CCL24: variants seen among roughly 807,000 people sequenced by gnomAD.
CCL24 encodes the protein C-C motif chemokine ligand 24, also known as C-C motif chemokine 24.
A neutral mutation model predicts 8.6 loss-of-function variants in CCL24; 6 were observed. The observed-to-expected ratio is 0.70, with a 90% confidence interval of 0.38 to 1.38. The LOEUF is 1.38. Among genes scored for constraint, CCL24 ranks in the 40% most tolerant of loss-of-function variants. CCL24 has a pLI of 0.02. For missense variants in CCL24, 126 were observed against 147.1 expected, an observed-to-expected ratio of 0.86 and a Z score of 0.74; for synonymous variants, 59 against 52.7, an observed-to-expected ratio of 1.12 and a Z score of -0.52.
chr7:75,815,110 G>A (rs1242444507), upstream of CCL24, among the ~76,000 whole-genome samples: 4 of 151,990 alleles, frequency 2.6e-5, no homozygotes, highest in Admixed American at 6.6e-5. Context: ...AGGCTGAGGC[G>A]GGAGGATTGA....
At chr7:75,816,559 A>C (rs1803894266), upstream of CCL24, among the ~76,000 whole-genome samples, 1 of 148,336 alleles carries the variant, frequency 6.7e-6, no homozygotes, top group African/African-American at 2.5e-5. Context: ...AATTTTATTT[A>C]TTTATTTATT....
chr7:75,812,794 G>A (rs550795499), intron 2 of CCL24, among the ~76,000 whole-genome samples: 1 of 152,232 alleles, frequency 6.6e-6, no homozygotes, highest in Admixed American at 6.5e-5. Context: ...GCCGGGCATG[G>A]TGGTGCGTAC....
In CCL24 at chr7:75,811,627, C is replaced by A; in HGVS notation, c.*169G>T. On this transcript the variant is annotated 3_prime_UTR_variant, in exon 3 of 3. Transcript: ENST00000222902. Reference sequence around the variant, plus strand: ...GGAGCCATTGCTCAGCCCCCGGGAACCACATCACCTGCTCCCTCGGGTTTT... The same window carrying A: ...GGAGCCATTGCTCAGCCCCCGGGAAACACATCACCTGCTCCCTCGGGTTTT... The A allele has an allele frequency of 1.7e-6, 1 of 591,236 alleles. No homozygotes were observed. 36.6% of individuals were successfully genotyped at this position (591,236 alleles called of 1,614,324 possible). A position where few individuals can be genotyped will look rare whatever the true frequency, so the allele number is the denominator to read the frequency against.
intron 1 of CCL24, among the ~76,000 whole-genome samples, chr7:75,821,234 G>C (rs565732241): frequency 1.2e-4 from 19 of 152,186 alleles, no homozygotes; most frequent in Non-Finnish European, 1.6e-4. Context: ...GGCAGAGAAG[G>C]GTATTTCAAG....
chr7:75,813,040 C>T (rs529469889), intron 2 of CCL24, among the ~76,000 whole-genome samples: 47 of 151,712 alleles, frequency 3.1e-4, no homozygotes, highest in Non-Finnish European at 5.6e-4. Flanking sequence ...GAGGTTGAGG[C>T]TGCAATGCAA....
At chr7:75,815,357 A>C (rs3779424), upstream of CCL24, among the ~76,000 whole-genome samples, 12,148 of 150,808 alleles carry the variant, frequency 0.081, 608 homozygotes, top group East Asian at 0.17. Flanking sequence ...AAAAAAAAAG[A>C]AAGGCTGGGT....
At chr7:75,813,275 C>T in intron 2 of CCL24, 31 bp downstream of exon 2, 1 of 1,381,354 alleles carries the variant, frequency 7.2e-7, no homozygotes. Context: ...CCCCACCCCT[C>T]TCCTGCCACG....
At chr7:75,812,558 A>C (rs183588645) in intron 2 of CCL24, among the ~76,000 whole-genome samples, 14 of 152,240 alleles carry the variant, frequency 9.2e-5, no homozygotes, top group African/African-American at 2.6e-4. Flanking sequence ...TACCCCATAG[A>C]ATTGTTGAGA....
At chr7:75,818,864 C>T (rs1554534537) in intron 1 of CCL24, among the ~76,000 whole-genome samples, 1 of 151,910 alleles carries the variant, frequency 6.6e-6, no homozygotes, top group Admixed American at 6.6e-5. Flanking sequence ...AGCCATGATA[C>T]AAGAAGGAAC....
At position 75,820,106 on chromosome 7, in the gene CCL24, C is replaced by CTTCTTCTT. The variant is rs1554534861; in HGVS notation, c.-60+3215_-60+3216insAAGAAGAA. ...TCTTCTTCCTCTTCTTCTTCTTCTT[C>CTTCTTCTT]CTTCTTCTTCTTCTTCTTCTTCTTC... On this transcript the variant is annotated intron_variant, in intron 1 of 3. Transcript: ENST00000416943. 5.5e-5 allele frequency among the ~76,000 whole-genome samples: 4 copies of CTTCTTCTT among 72,114 alleles called. 1 individual carries two copies. Among genetic ancestry groups the CTTCTTCTT allele is most frequent in the East Asian group, 1.4e-3 (1 of 708 alleles). 47.3% of individuals were successfully genotyped at this position (72,114 alleles called of 152,430 possible). A position where few individuals can be genotyped will look rare whatever the true frequency, so the allele number is the denominator to read the frequency against.
At chr7:75,819,313 T>TAC (rs1803975245) in intron 1 of CCL24, among the ~76,000 whole-genome samples, 2 of 21,944 alleles carry the variant, frequency 9.1e-5, no homozygotes, top group African/African-American at 2.4e-4. Context: ...AATATATATA[T>TAC]ATATATATAT....
upstream of CCL24, among the ~76,000 whole-genome samples, chr7:75,816,623 G>A (rs1035089494): frequency 2.6e-5 from 4 of 151,534 alleles, no homozygotes; most frequent in African/African-American, 4.8e-5. Flanking sequence ...GTGCAGTGGC[G>A]CGATCTTGGC....
At chr7:75,821,627 G>C (rs1804049991) in intron 1 of CCL24, among the ~76,000 whole-genome samples, 1 of 152,058 alleles carries the variant, frequency 6.6e-6, no homozygotes, top group Non-Finnish European at 1.5e-5. Context: ...GAGAGGTCTG[G>C]ATGTCCAATA....
intron 2 of CCL24, 93 bp from the exon 3 acceptor site, chr7:75,812,057 A>G: frequency 9.7e-7 from 1 of 1,031,498 alleles, no homozygotes; most frequent in East Asian, 2.4e-5. Context: ...GCCCAGAGAC[A>G]GTAAGGCTTC....
At chr7:75,819,136 C>T (rs561978631) in intron 1 of CCL24, among the ~76,000 whole-genome samples, 5 of 147,974 alleles carry the variant, frequency 3.4e-5, no homozygotes, top group South Asian at 2.1e-4. Flanking sequence ...GGCGTGGTGG[C>T]ACATGACTGT....
chr7:75,811,615 A>G lies in CCL24; in HGVS notation c.*181T>C. The G allele has an allele frequency of 1.8e-6, 1 of 541,006 alleles. No homozygotes were observed. The highest frequency in any genetic ancestry group is 3.2e-6 in the Non-Finnish European group (1 of 313,480). 33.5% of individuals were successfully genotyped at this position (541,006 alleles called of 1,614,324 possible). ...CCTTGGATGCTTGGAGCCATTGCTC[A>G]GCCCCCGGGAACCACATCACCTGCT... On this transcript the variant is annotated 3_prime_UTR_variant, in exon 3 of 3. Transcript: ENST00000222902.
At chr7:75,813,928 C>T (rs959251221), upstream of CCL24, 3 of 450,686 alleles carry the variant, frequency 6.7e-6, no homozygotes, top group South Asian at 4.3e-5. Context: ...GTTGTTGTCC[C>T]GTTGTTGCCC....
chr7:75,815,971 G>A (rs1476822099), upstream of CCL24, among the ~76,000 whole-genome samples: 2 of 152,186 alleles, frequency 1.3e-5, no homozygotes, highest in East Asian at 3.9e-4. Context: ...CTCTCCATTT[G>A]CCTTCTCCAA....
chr7:75,820,107 CTTCTTCTTCTTCT>C (rs1804008093), intron 1 of CCL24, among the ~76,000 whole-genome samples: 1 of 30,116 alleles, frequency 3.3e-5, no homozygotes, highest in South Asian at 1.7e-3. Context: ...CTTCTTCTTC[CTTCTTCTTCTTCT>C]TCTTCTTCTT....
Sources: gnomAD v4.1 joint callset for allele counts (sites outside exome capture counted in the v4.1 genomes callset) on GRCh38, gnomAD v4.1.1 for gene constraint, MANE v1.5 for transcripts, NCBI Gene and HGNC (gene_info 2026-07-23, HGNC 2026-07-21) for gene names.